RPS6KA2: variants seen among roughly 807,000 people sequenced by gnomAD.
RPS6KA2 encodes ribosomal protein S6 kinase A2.
A neutral mutation model predicts 91.8 loss-of-function variants in RPS6KA2; 42 were observed. The ratio of observed to expected loss-of-function variants is 0.46; its 90% CI spans 0.36 to 0.59. The LOEUF is 0.59. RPS6KA2 is among the 20% of genes least tolerant of loss of function. The probability of loss-of-function intolerance (pLI) is 0.00; values close to 1 mark genes in which losing one functional copy is unlikely to be tolerated. For synonymous variants in RPS6KA2, 414 were observed against 393.6 expected, an observed-to-expected ratio of 1.05 and a Z score of -0.61; for missense variants, 798 against 978.5, an observed-to-expected ratio of 0.82 and a Z score of 2.46.
At chr6:166,515,420 T>C (rs1472467008) in intron 3 of RPS6KA2, among the ~76,000 whole-genome samples, 1 of 152,218 alleles carries the variant, frequency 6.6e-6, no homozygotes, top group African/African-American at 2.4e-5. Flanking sequence ...AGCTCTGATA[T>C]ACTTTCTTAT....
intron 2 of RPS6KA2, among the ~76,000 whole-genome samples, chr6:166,818,535 G>A (rs1262328175): frequency 2.0e-5 from 3 of 152,140 alleles, no homozygotes; most frequent in Non-Finnish European, 4.4e-5. Context: ...CATTGCAAAG[G>A]TCCCTTTCTA....
intron 17 of RPS6KA2, among the ~76,000 whole-genome samples, chr6:166,422,047 A>G (rs1265932040): frequency 6.6e-6 from 1 of 152,004 alleles, no homozygotes; most frequent in African/African-American, 2.4e-5. Flanking sequence ...CTGTGGGCAC[A>G]CACCACCACA....
intron 2 of RPS6KA2, chr6:166,701,605 T>C: frequency 1.5e-6 from 2 of 1,335,086 alleles, no homozygotes; most frequent in Non-Finnish European, 2.2e-6. Context: ...GATAAACAGA[T>C]GAACAGTCTC....
chr6:166,589,469 G>A (rs1475497843), intron 1 of RPS6KA2, among the ~76,000 whole-genome samples: 1 of 152,164 alleles, frequency 6.6e-6, no homozygotes, highest in African/African-American at 2.4e-5. Flanking sequence ...AGCCTCCATG[G>A]TCAGAGTATC....
chr6:166,471,269 C>T (rs907843607), intron 10 of RPS6KA2, among the ~76,000 whole-genome samples: 4 of 152,200 alleles, frequency 2.6e-5, no homozygotes, highest in Non-Finnish European at 4.4e-5. Flanking sequence ...CGCAGGTCAC[C>T]GGGAGTCACA....
chr6:166,843,111 C>T (rs934526515), intron 2 of RPS6KA2, among the ~76,000 whole-genome samples: 4 of 152,100 alleles, frequency 2.6e-5, no homozygotes, highest in East Asian at 3.9e-4. Context: ...CTGTGACCGC[C>T]GCCTTTACCC....
intron 1 of RPS6KA2, among the ~76,000 whole-genome samples, chr6:166,613,809 TCACGGCCTTCAGGACACAGTCGGGCTTTC>T (rs1562341879): frequency 2.5e-4 from 26 of 104,722 alleles, no homozygotes; most frequent in East Asian, 1.1e-3. Flanking sequence ...GTCGGGCTTT[TCACGGCCTTCAGGACACAGTCGGGCTTTC>T]CACGGCCTTC....
At chr6:166,750,014 G>C (rs1056341774) in intron 2 of RPS6KA2, among the ~76,000 whole-genome samples, 4 of 152,052 alleles carry the variant, frequency 2.6e-5, no homozygotes, top group Non-Finnish European at 4.4e-5. Flanking sequence ...TCCCTTCTGA[G>C]TCCAGCCCGG....
intron 1 of RPS6KA2, among the ~76,000 whole-genome samples, chr6:166,555,667 G>A (rs143950302): frequency 2.0e-4 from 30 of 152,094 alleles, no homozygotes; most frequent in African/African-American, 7.0e-4. Flanking sequence ...ACTCCTGTGT[G>A]CATCGGGCAA....
rs78598590 is a variant in RPS6KA2 at position 166,459,550 on chromosome 6, G to C, written c.974C>G (p.Thr325Arg). The change falls in exon 12 of 21, where the codon ACG (threonine) becomes AGG (arginine). Residue 325 changes from threonine to arginine, a missense_variant and splice_region_variant. Physicochemically the swap from Thr to Arg is moderately conservative, Grantham distance 71. Transcript: ENST00000265678. The surrounding 1 kb of genome is among the most constrained non-coding windows in gnomAD (Gnocchi z 4.9). ...TGGCTTGATCTCCTTCCGGTACAGC[G>C]TCTATTAATACAAGGAAAGCAAGAC... ...HPFFVTIDWN[T>R]LYRKEIKPPF... The C allele has an allele frequency of 1.8e-4, 293 of 1,610,628 alleles. 1 individual carries two copies. In the African/African-American group the frequency reaches 3.6e-3, roughly 20 times the overall value.
intron 1 of RPS6KA2, among the ~76,000 whole-genome samples, chr6:166,590,439 C>T (rs534499816): frequency 7.4e-4 from 113 of 152,270 alleles, no homozygotes; most frequent in Non-Finnish European, 1.4e-3. Context: ...GCTGGGCACA[C>T]CTAAAGATGG....
intron 1 of RPS6KA2, among the ~76,000 whole-genome samples, chr6:166,597,682 C>T (rs1785586027): frequency 6.6e-6 from 1 of 151,584 alleles, no homozygotes; most frequent in Admixed American, 6.6e-5. Flanking sequence ...GTAGGCAAGC[C>T]AAAATTTTCA....
chr6:166,627,762 C>G (rs975837477), upstream of RPS6KA2: 2 of 152,234 alleles, frequency 1.3e-5, no homozygotes, highest in Non-Finnish European at 2.9e-5. Flanking sequence ...AGCTTGGGGC[C>G]GTCATTATGT....
At chr6:166,762,120 GT>G (rs1190264331) in intron 2 of RPS6KA2, among the ~76,000 whole-genome samples, 2 of 152,172 alleles carry the variant, frequency 1.3e-5, no homozygotes, top group Non-Finnish European at 2.9e-5. Context: ...ACCAAGACAA[GT>G]GGCAGAAACC....
chr6:166,831,780 A>C (rs1193528360), intron 2 of RPS6KA2, among the ~76,000 whole-genome samples: 1 of 146,086 alleles, frequency 6.8e-6, no homozygotes, highest in African/African-American at 2.5e-5. Context: ...TACTAGATAG[A>C]TGATAGATAC....
intron 1 of RPS6KA2, among the ~76,000 whole-genome samples, chr6:166,551,126 A>G (rs576298866): frequency 6.6e-6 from 1 of 151,486 alleles, no homozygotes; most frequent in Non-Finnish European, 1.5e-5. Context: ...GAAGGGTTCA[A>G]TTTTTTTTTC....
chr6:166,786,717 A>C (rs894436734), intron 2 of RPS6KA2, among the ~76,000 whole-genome samples: 1 of 152,252 alleles, frequency 6.6e-6, no homozygotes, highest in East Asian at 1.9e-4. Flanking sequence ...AAATCATCAT[A>C]GCAAAAGTGA....
At chr6:166,830,125 CA>C (rs34980248) in intron 2 of RPS6KA2, among the ~76,000 whole-genome samples, 35 of 99,580 alleles carry the variant, frequency 3.5e-4, no homozygotes, top group East Asian at 3.2e-3. Context: ...AACTCCATTT[CA>C]AAAAAAAAAA....
intron 1 of RPS6KA2, chr6:166,544,695 T>C (rs3799633): frequency 0.81 from 123,559 of 152,062 alleles, 50,394 homozygotes; most frequent in East Asian, 0.99. Flanking sequence ...ACGTTTAGAG[T>C]GGTAACGGCT....
Sources: gnomAD v4.1 joint callset for allele counts (sites outside exome capture counted in the v4.1 genomes callset) on GRCh38, gnomAD v4.1.1 for gene constraint, Gnocchi (gnomAD v3.1) non-coding constraint, MANE v1.5 for transcripts, NCBI Gene and HGNC (gene_info 2026-07-23, HGNC 2026-07-21) for gene names.